OSBPL9: variants seen among roughly 807,000 people sequenced by gnomAD.
The protein encoded by OSBPL9 is oxysterol-binding protein-related protein 9.
OSBPL9 carries 40 observed loss-of-function variants against 106.6 expected under a neutral mutation model. The ratio of observed to expected loss-of-function variants is 0.38; its 90% CI spans 0.29 to 0.49. The LOEUF is 0.49. OSBPL9 is among the 20% of genes least tolerant of loss of function. The pLI, the probability that OSBPL9 is intolerant of heterozygous loss-of-function variation, is 0.97. For missense variants in OSBPL9, 609 were observed against 887.2 expected (o/e 0.69, Z 3.98); for synonymous variants, 269 against 295.4 (o/e 0.91, Z 0.92).
upstream of OSBPL9, among the ~76,000 whole-genome samples, chr1:51,613,335 A>T (rs1020475663): frequency 6.6e-6 from 1 of 152,248 alleles, no homozygotes; most frequent in East Asian, 1.9e-4. Context: ...TCAAGTTTCT[A>T]TAGGAAGTGT....
the OSBPL9 span, among the ~76,000 whole-genome samples, chr1:51,568,973 G>A: frequency 9.9e-5 from 15 of 152,154 alleles, no homozygotes; most frequent in East Asian, 1.7e-3. Context: ...TCAGCCCCCC[G>A]CCACCCAGAG....
At chr1:51,619,658 A>G (rs1644308343) in intron 1 of OSBPL9, among the ~76,000 whole-genome samples, 1 of 152,186 alleles carries the variant, frequency 6.6e-6, no homozygotes, top group African/African-American at 2.4e-5. Context: ...ATAAAATGAT[A>G]CCCAATCTCA....
the OSBPL9 span, among the ~76,000 whole-genome samples, chr1:51,547,762 A>T: frequency 6.6e-6 from 1 of 152,144 alleles, no homozygotes; most frequent in South Asian, 2.1e-4. Flanking sequence ...AGGTAGGAGG[A>T]TTGCCTTGAA....
At chr1:51,781,055 GGTCCTCA>G in intron 15 of OSBPL9, 102 bp from the exon 16 acceptor site, 1 of 890,960 alleles carries the variant, frequency 1.1e-6, no homozygotes, top group East Asian at 2.6e-5. Context: ...CCTGGTCCTA[GGTCCTCA>G]GTCCTCTCAG....
chr1:51,617,601 G>A (rs1390401119), intron 1 of OSBPL9, among the ~76,000 whole-genome samples: 2 of 152,116 alleles, frequency 1.3e-5, no homozygotes, highest in Non-Finnish European at 2.9e-5. Context: ...ACTTTACACT[G>A]TCCCACCAAG....
upstream of OSBPL9, among the ~76,000 whole-genome samples, chr1:51,575,134 T>G (rs975141036): frequency 6.6e-6 from 1 of 152,214 alleles, no homozygotes; most frequent in African/African-American, 2.4e-5. Context: ...GTAAACTTTA[T>G]TTGATCTTCT....
chr1:51,595,712 G>T (rs1645296044), intron 1 of OSBPL9, among the ~76,000 whole-genome samples: 1 of 152,182 alleles, frequency 6.6e-6, no homozygotes, highest in South Asian at 2.1e-4. Flanking sequence ...AGGGAAAAAA[G>T]CACCAGCATT....
Position 51,737,546 on chromosome 1 carries a change from GT to G in OSBPL9, c.319-7989del, listed in dbSNP as rs1247351004. On this transcript the variant is annotated intron_variant, in intron 4 of 23. Coordinates refer to ENST00000428468, the MANE Select transcript of OSBPL9 (RefSeq NM_024586.6). ...TTGTTTCATGTGTTATATTTCAGGG[GT>G]GTGTGTGTGTGTGTGTGTGTGTGTG... 8.1e-3 allele frequency among the ~76,000 whole-genome samples: 9 copies of G among 1,112 alleles called. No individual in the cohort carries two copies. In the South Asian group the frequency reaches 0.083, roughly 10 times the overall value. 0.7% of individuals were successfully genotyped at this position (1,112 alleles called of 152,430 possible).
intron 2 of OSBPL9, among the ~76,000 whole-genome samples, chr1:51,663,858 A>G (rs746292798): frequency 1.3e-5 from 2 of 152,250 alleles, no homozygotes; most frequent in Non-Finnish European, 2.9e-5. Flanking sequence ...ACAAAAGAGG[A>G]TCTTCAAATG....
intron 14 of OSBPL9, among the ~76,000 whole-genome samples, chr1:51,775,306 CCT>C (rs373509710): frequency 6.6e-6 from 1 of 152,062 alleles, no homozygotes; most frequent in Non-Finnish European, 1.5e-5. Flanking sequence ...CTGATTAATC[CCT>C]GTCACACCCC....
At chr1:51,752,140 G>A (rs778198109) in intron 8 of OSBPL9, among the ~76,000 whole-genome samples, 11 of 151,924 alleles carry the variant, frequency 7.2e-5, no homozygotes, top group African/African-American at 1.9e-4. Context: ...AACTACTTAC[G>A]TTCACTGCCC....
At chr1:51,689,582 T>G (rs1654546069) in intron 3 of OSBPL9, among the ~76,000 whole-genome samples, 2 of 152,206 alleles carry the variant, frequency 1.3e-5, no homozygotes, top group South Asian at 4.1e-4. Flanking sequence ...TATTTTACAT[T>G]TTGGCTTTCC....
intron 1 of OSBPL9, among the ~76,000 whole-genome samples, chr1:51,596,991 A>C (rs1454156978): frequency 5.3e-5 from 8 of 152,092 alleles, no homozygotes; most frequent in Admixed American, 3.9e-4. Context: ...TCATGCTGGG[A>C]GAGGAAAGGG....
chr1:51,688,489 C>T (rs1241293316), intron 3 of OSBPL9, among the ~76,000 whole-genome samples: 1 of 151,990 alleles, frequency 6.6e-6, no homozygotes, highest in East Asian at 1.9e-4. Flanking sequence ...TGGTGTTATG[C>T]ATCTATAATC....
At chr1:51,778,519 ATAT>A (rs1459018939) in intron 15 of OSBPL9, among the ~76,000 whole-genome samples, 1 of 152,264 alleles carries the variant, frequency 6.6e-6, no homozygotes, top group African/African-American at 2.4e-5. Context: ...AAGACAAGAA[ATAT>A]TATTAGAGAC....
the OSBPL9 span, among the ~76,000 whole-genome samples, chr1:51,533,845 C>CTTTTTT: frequency 5.1e-3 from 597 of 116,252 alleles, 5 homozygotes; most frequent in African/African-American, 0.019. Context: ...TTTTTTCTTT[C>CTTTTTT]TTTTTTTTTT....
intron 4 of OSBPL9, among the ~76,000 whole-genome samples, chr1:51,720,295 G>T (rs1275832128): frequency 6.6e-6 from 1 of 151,914 alleles, no homozygotes; most frequent in Non-Finnish European, 1.5e-5. Context: ...ATGTTTAACT[G>T]AGTTGTATAG....
At position 51,781,488 on chromosome 1, in the gene OSBPL9, T is replaced by C. The variant is rs77769761; in HGVS notation, c.1428+153T>C. The C allele has an allele frequency of 4.3e-4, 317 of 740,412 alleles. No homozygotes were observed. In the East Asian group the frequency reaches 8.3e-3, roughly 19 times the overall value. 45.9% of individuals were successfully genotyped at this position (740,412 alleles called of 1,614,324 possible). A position where few individuals can be genotyped will look rare whatever the true frequency, so the allele number is the denominator to read the frequency against. On this transcript the variant is annotated intron_variant, in intron 16 of 23. Transcript: ENST00000428468. ...TTAGAGCAGCATAGTTTGAATGTAG[T>C]GAGAAGGAGGAAAAAGAGTAGGATG...
intron 7 of OSBPL9, among the ~76,000 whole-genome samples, chr1:51,749,898 A>G (rs1668877291): frequency 1.3e-5 from 2 of 151,800 alleles, no homozygotes; most frequent in Admixed American, 6.6e-5. Context: ...AAAAAGAAAA[A>G]AAAATTAGAT....
Sources: allele counts gnomAD v4.1 joint callset (sites outside exome capture counted in the v4.1 genomes callset), GRCh38; gene constraint gnomAD v4.1.1; transcripts MANE v1.5; gene names NCBI Gene and HGNC (gene_info 2026-07-23, HGNC 2026-07-21).